The following NAALADL2 variants were observed in gnomAD, a reference collection of about 807,000 sequenced individuals.
The protein encoded by NAALADL2 is N-acetylated alpha-linked acidic dipeptidase like 2.
NAALADL2 carries 76 observed loss-of-function variants against 87.2 expected under a neutral mutation model. The ratio of observed to expected loss-of-function variants is 0.87; its 90% CI spans 0.72 to 1.05. The LOEUF (loss-of-function observed/expected upper bound fraction) is 1.05. NAALADL2 is among the 50% of genes least tolerant of loss of function. The pLI is 0.00. For missense variants in NAALADL2, 1,089 were observed against 945.8 expected (o/e 1.15, Z -1.99); for synonymous variants, 354 against 331.0 (o/e 1.07, Z -0.75).
At chr3:175,110,699 A>G (rs996210257) in intron 2 of NAALADL2, among the ~76,000 whole-genome samples, 2 of 151,866 alleles carry the variant, frequency 1.3e-5, no homozygotes, top group Non-Finnish European at 2.9e-5. Context: ...TTGAATAACA[A>G]AGAGTACTGA....
chr3:175,118,429 TAAATA>T (rs1725628460), intron 2 of NAALADL2, among the ~76,000 whole-genome samples: 2 of 151,314 alleles, frequency 1.3e-5, no homozygotes, highest in African/African-American at 2.4e-5. Flanking sequence ...AGCATAAAAA[TAAATA>T]AAATAAAACT....
chr3:174,739,618 A>C (rs1449209499), intron 3 of NAALADL2, among the ~76,000 whole-genome samples: 1 of 152,068 alleles, frequency 6.6e-6, no homozygotes, highest in Non-Finnish European at 1.5e-5. Context: ...GGGTTTTTCC[A>C]TGTGTTAGTA....
intron 2 of NAALADL2, among the ~76,000 whole-genome samples, chr3:175,146,080 A>G (rs1730708699): frequency 6.6e-6 from 1 of 152,120 alleles, no homozygotes; most frequent in Non-Finnish European, 1.5e-5. Context: ...AATAAGTAAG[A>G]TTCGTGATTC....
chr3:174,530,222 G>A (rs996396975), intron 1 of NAALADL2, among the ~76,000 whole-genome samples: 29 of 152,094 alleles, frequency 1.9e-4, no homozygotes, highest in South Asian at 4.1e-4. Context: ...AAATCTCTAG[G>A]ATAGAGGCAA....
intron 9 of NAALADL2, among the ~76,000 whole-genome samples, chr3:175,483,239 A>C (rs1726768606): frequency 6.6e-6 from 1 of 151,792 alleles, no homozygotes; most frequent in Admixed American, 6.6e-5. Flanking sequence ...AGGAAAAAAG[A>C]GTCATTAAGT....
intron 1 of NAALADL2, among the ~76,000 whole-genome samples, chr3:174,865,692 A>G (rs1042432348): frequency 6.6e-6 from 1 of 151,974 alleles, no homozygotes; most frequent in African/African-American, 2.4e-5. Context: ...CAGGGATGTA[A>G]ATAAGAAATT....
intron 11 of NAALADL2, among the ~76,000 whole-genome samples, chr3:175,726,190 T>A (rs907814597): frequency 2.6e-5 from 4 of 152,004 alleles, no homozygotes; most frequent in Non-Finnish European, 2.9e-5. Flanking sequence ...GTAAATATAT[T>A]TTCTCAACTA....
chr3:175,150,688 C>T (rs1477309880), intron 2 of NAALADL2, among the ~76,000 whole-genome samples: 1 of 152,146 alleles, frequency 6.6e-6, no homozygotes, highest in Non-Finnish European at 1.5e-5. Context: ...TCAGGGTAGG[C>T]ATTTTCAGGT....
At chr3:175,549,435 G>T (rs995074034) in intron 9 of NAALADL2, among the ~76,000 whole-genome samples, 3 of 151,708 alleles carry the variant, frequency 2.0e-5, no homozygotes, top group African/African-American at 7.3e-5. Flanking sequence ...TGGTCTATAT[G>T]AATCTAATCA....
intron 6 of NAALADL2, among the ~76,000 whole-genome samples, chr3:175,449,524 G>A (rs1257428374): frequency 2.7e-5 from 4 of 150,852 alleles, no homozygotes; most frequent in African/African-American, 9.8e-5. Context: ...CTCCCAAGTA[G>A]CTGGGACTAC....
rs142061734 is a variant in NAALADL2 at position 175,698,836 on chromosome 3, C to T, written c.1897-38470C>T. Among the ~76,000 whole-genome samples, 556 of 151,856 alleles carry T rather than the reference C, an allele frequency of 3.7e-3. 15 individuals are homozygous for T. The highest frequency in any genetic ancestry group is 0.032 in the Admixed American group (492 of 15,188). On this transcript the variant is annotated intron_variant, in intron 11 of 13. Coordinates refer to ENST00000454872, the MANE Select transcript of NAALADL2 (RefSeq NM_207015.3). The stretch of plus-strand genomic sequence containing the variant: ...CTCAAAGACCATAAAGCACTCAGAT[C>T]CCATTTATTTGAACATTATTTCAAA...
At chr3:175,428,475 G>T (rs970536674) in intron 5 of NAALADL2, among the ~76,000 whole-genome samples, 1 of 152,042 alleles carries the variant, frequency 6.6e-6, no homozygotes, top group African/African-American at 2.4e-5. Context: ...AATCTGAGTG[G>T]CTAGTTGGAG....
intron 2 of NAALADL2, among the ~76,000 whole-genome samples, chr3:174,646,673 A>T (rs940603436): frequency 2.0e-5 from 3 of 152,122 alleles, no homozygotes; most frequent in Non-Finnish European, 4.4e-5. Context: ...TAGCACAGTA[A>T]CTTTTCTTTA....
chr3:174,462,784 GAGTT>G lies in NAALADL2; in HGVS notation c.-184+21755_-184+21758del, dbSNP rs1220941774. On this transcript the variant is annotated intron_variant, in intron 1 of 3. Transcript: ENST00000434257. ...AAAGTAAGCCAATTCATGTTAATAA[GAGTT>G]AGAATTGGGAAGGGTCTTACAACAT... Among the ~76,000 whole-genome samples, 7 of 152,180 alleles carry G rather than the reference GAGTT, an allele frequency of 4.6e-5. No individual in the cohort carries two copies. In the East Asian group the frequency reaches 7.7e-4, roughly 17 times the overall value.
intron 11 of NAALADL2, among the ~76,000 whole-genome samples, chr3:175,667,217 AAGAAAG>A (rs1733207582): frequency 1.6e-5 from 2 of 126,128 alleles, no homozygotes; most frequent in East Asian, 2.1e-4. Flanking sequence ...GAAAGAAAGA[AAGAAAG>A]AAAGAAAGAA....
chr3:174,566,857 A>T (rs1714342577), intron 2 of NAALADL2, among the ~76,000 whole-genome samples: 1 of 150,896 alleles, frequency 6.6e-6, no homozygotes, highest in Non-Finnish European at 1.5e-5. Context: ...GTAGCATTTG[A>T]GTGGTCCATG....
At chr3:175,208,477 G>T (rs771821596) in intron 2 of NAALADL2, among the ~76,000 whole-genome samples, 2 of 152,052 alleles carry the variant, frequency 1.3e-5, no homozygotes, top group Non-Finnish European at 2.9e-5. Flanking sequence ...GCTTTTAGTT[G>T]TCTCTGCCTT....
At chr3:175,661,511 T>C (rs1304188077) in intron 11 of NAALADL2, among the ~76,000 whole-genome samples, 1 of 152,084 alleles carries the variant, frequency 6.6e-6, no homozygotes, top group Non-Finnish European at 1.5e-5. Context: ...TTTAGCTTAA[T>C]GTAATCCCAT....
At chr3:175,147,931 A>G (rs62283009) in intron 2 of NAALADL2, among the ~76,000 whole-genome samples, 56,830 of 151,448 alleles carry the variant, frequency 0.38, 11,779 homozygotes, top group East Asian at 0.56. Context: ...TTAGCCAGGC[A>G]TAGTGATGGA....
Sources: gnomAD v4.1 joint callset for allele counts (sites outside exome capture counted in the v4.1 genomes callset) on GRCh38, gnomAD v4.1.1 for gene constraint, MANE v1.5 for transcripts, NCBI Gene and HGNC (gene_info 2026-07-23, HGNC 2026-07-21) for gene names.